ACVR1: variants seen among roughly 807,000 people sequenced by gnomAD.
ACVR1 encodes the protein activin receptor type-1.
Under a neutral mutation model 57.1 loss-of-function variants are expected in ACVR1, and 38 were observed. The ratio of observed to expected loss-of-function variants is 0.67; its 90% confidence interval spans 0.51 to 0.87. The LOEUF is 0.87. Among genes scored for constraint, ACVR1 ranks in the 40% least tolerant of loss-of-function variants. The pLI, the probability that ACVR1 is intolerant of heterozygous loss-of-function variation, is 0.00. For missense variants in ACVR1, 463 were observed against 638.2 expected (o/e 0.73, Z 2.96); for synonymous variants, 212 against 228.1 (o/e 0.93, Z 0.63).
At chr2:157,739,604 T>A (rs1684673760) in intron 9 of ACVR1, among the ~76,000 whole-genome samples, 1 of 152,126 alleles carries the variant, frequency 6.6e-6, no homozygotes, top group Non-Finnish European at 1.5e-5. Flanking sequence ...CCTAAATACC[T>A]AAGAAGTTGT....
At chr2:157,868,606 T>C (rs1310362807) in intron 1 of ACVR1, among the ~76,000 whole-genome samples, 1 of 152,216 alleles carries the variant, frequency 6.6e-6, no homozygotes, top group Non-Finnish European at 1.5e-5. Flanking sequence ...CTACAACCTA[T>C]ACACATACAG....
At chr2:157,762,502 CCAAA>C (rs1362159241) in intron 8 of ACVR1, among the ~76,000 whole-genome samples, 5 of 152,086 alleles carry the variant, frequency 3.3e-5, no homozygotes, top group Non-Finnish European at 5.9e-5. Context: ...ATTTGCAGAA[CCAAA>C]CAGTCAAAAT....
At chr2:157,814,024 C>G (rs545374132) in intron 2 of ACVR1, among the ~76,000 whole-genome samples, 3 of 152,320 alleles carry the variant, frequency 2.0e-5, no homozygotes, top group Non-Finnish European at 2.9e-5. Flanking sequence ...GTAACTTCCG[C>G]TGTGGAGCAA....
intron 1 of ACVR1, among the ~76,000 whole-genome samples, chr2:157,837,812 G>C (rs567362073): frequency 1.3e-5 from 2 of 152,230 alleles, no homozygotes; most frequent in East Asian, 3.9e-4. Context: ...AGGAGGAGGA[G>C]GAGGAGAGGA....
chr2:157,798,923 G>A (rs1444294361), intron 3 of ACVR1, among the ~76,000 whole-genome samples: 1 of 150,936 alleles, frequency 6.6e-6, no homozygotes, highest in African/African-American at 2.4e-5. Context: ...TTGAGACAGA[G>A]TCTCGCTCTG....
rs1190624412 is a variant in ACVR1, at chr2:157,876,318, GGCTGCAAAGA to G, written c.-715_-706del. Among the ~76,000 whole-genome samples the G allele has an allele frequency of 2.0e-5, 3 of 151,350 alleles. No individual in the cohort carries two copies. The highest frequency in any genetic ancestry group is 4.4e-5 in the Non-Finnish European group (3 of 67,726). Reference sequence around the variant, plus strand: ...AGGGGGAGGCTGCGGCGGCGGCGGCGGCTGCAAAGAGCAGGAGCCGGAGCGGGAGGAGCGG... The same window carrying G: ...AGGGGGAGGCTGCGGCGGCGGCGGCGGCAGGAGCCGGAGCGGGAGGAGCGG... On this transcript the variant is annotated 5_prime_UTR_variant, in exon 1 of 11. Transcript: ENST00000434821.
At chr2:157,755,772 T>C (rs750356009) in intron 9 of ACVR1, among the ~76,000 whole-genome samples, 3 of 151,854 alleles carry the variant, frequency 2.0e-5, no homozygotes, top group Non-Finnish European at 4.4e-5. Flanking sequence ...GAAATTCCCA[T>C]AAAAATACCA....
At chr2:157,757,045 A>ATATATATATATATATAT (rs1559039330) in intron 9 of ACVR1, among the ~76,000 whole-genome samples, 2 of 98,182 alleles carry the variant, frequency 2.0e-5, no homozygotes, top group African/African-American at 4.2e-5. Context: ...TATATATATA[A>ATATATATATATATATAT]AATAGAATAC....
chr2:157,876,075 G>A lies in ACVR1; in HGVS notation c.-462C>T, dbSNP rs1440376332. Among the ~76,000 whole-genome samples, 1 of 147,952 alleles carries A rather than the reference G, an allele frequency of 6.8e-6. No homozygotes were observed. The highest frequency in any genetic ancestry group is 1.5e-5 in the Non-Finnish European group (1 of 66,186). On this transcript the variant is annotated 5_prime_UTR_variant, in exon 1 of 11. Transcript: ENST00000434821. Reference sequence around the variant, plus strand: ...GGAGCAGGCTGGCAGCGGCAGCGGCGGCAGCGGCAGCCACCCGGGGGAAAG... The same window carrying A: ...GGAGCAGGCTGGCAGCGGCAGCGGCAGCAGCGGCAGCCACCCGGGGGAAAG...
intron 2 of ACVR1, among the ~76,000 whole-genome samples, chr2:157,816,552 G>A (rs1290620292): frequency 6.6e-6 from 1 of 151,986 alleles, no homozygotes; most frequent in African/African-American, 2.4e-5. Flanking sequence ...TGCCATGATT[G>A]CATCACTGCT....
intron 2 of ACVR1, among the ~76,000 whole-genome samples, chr2:157,809,717 G>T (rs1443407681): frequency 6.6e-6 from 1 of 152,164 alleles, no homozygotes; most frequent in African/African-American, 2.4e-5. Context: ...AATAGGTGAT[G>T]CGCCCAAGAA....
chr2:157,829,910 T>G (rs1688522516), intron 1 of ACVR1, among the ~76,000 whole-genome samples: 1 of 152,172 alleles, frequency 6.6e-6, no homozygotes, highest in Admixed American at 6.5e-5. Flanking sequence ...ACATCAAGGA[T>G]AGTCATAAAC....
intron 2 of ACVR1, among the ~76,000 whole-genome samples, chr2:157,801,646 A>G (rs1033456317): frequency 6.6e-6 from 1 of 152,226 alleles, no homozygotes; most frequent in Non-Finnish European, 1.5e-5. Context: ...TTCATTGATG[A>G]TAGTATGATT....
At chr2:157,772,028 G>A (rs1339240757) in intron 6 of ACVR1, among the ~76,000 whole-genome samples, 1 of 152,140 alleles carries the variant, frequency 6.6e-6, no homozygotes. Flanking sequence ...TTAGGGATGA[G>A]AGCAAAATAT....
intron 9 of ACVR1, among the ~76,000 whole-genome samples, chr2:157,741,550 A>G (rs560829182): frequency 7.9e-5 from 12 of 151,972 alleles, no homozygotes; most frequent in African/African-American, 2.9e-4. Context: ...GCCTGAACCC[A>G]GGAGGCGTAG....
At chr2:157,776,857 G>A (rs545274448) in intron 5 of ACVR1, among the ~76,000 whole-genome samples, 4 of 152,218 alleles carry the variant, frequency 2.6e-5, no homozygotes, top group Non-Finnish European at 4.4e-5. Context: ...AAGACTTACT[G>A]CAAAATGATT....
At chr2:157,857,829 T>C (rs1689587726) in intron 1 of ACVR1, among the ~76,000 whole-genome samples, 1 of 152,128 alleles carries the variant, frequency 6.6e-6, no homozygotes, top group African/African-American at 2.4e-5. Context: ...AGAGAAAAGG[T>C]GAGTAGTTAT....
At chr2:157,743,774 C>G (rs1480253377) in intron 9 of ACVR1, among the ~76,000 whole-genome samples, 1 of 151,428 alleles carries the variant, frequency 6.6e-6, no homozygotes, top group East Asian at 1.9e-4. Flanking sequence ...GAGTTCAGGT[C>G]AAGTGTTCTG....
At chr2:157,749,664 G>A (rs1019565518) in intron 9 of ACVR1, among the ~76,000 whole-genome samples, 8 of 152,152 alleles carry the variant, frequency 5.3e-5, no homozygotes, top group African/African-American at 1.9e-4. Context: ...AATGAAATAC[G>A]GACCAGTCCA....
Sources: gnomAD v4.1 joint callset for allele counts (sites outside exome capture counted in the v4.1 genomes callset) on GRCh38, gnomAD v4.1.1 for gene constraint, MANE v1.5 for transcripts, NCBI Gene and HGNC (gene_info 2026-07-23, HGNC 2026-07-21) for gene names.